Variants in IPO7 observed in about 807,000 individuals in gnomAD.
IPO7 encodes the protein importin-7.
IPO7 carries 13 observed loss-of-function variants against 136.4 expected under a neutral mutation model. The ratio of observed to expected loss-of-function variants is 0.10; its 90% confidence interval spans 0.06 to 0.15. The LOEUF (loss-of-function observed/expected upper bound fraction) is 0.15. Among genes scored for constraint, IPO7 ranks in the 10% least tolerant of loss-of-function variants. The pLI is 1.00. For synonymous variants in IPO7, 403 were observed against 404.4 expected (o/e 1.00, Z 0.04); for missense variants, 857 against 1,240.6 (o/e 0.69, Z 4.65).
chr11:9,398,299 A>G (rs578243194), intron 1 of IPO7, among the ~76,000 whole-genome samples: 1 of 152,334 alleles, frequency 6.6e-6, no homozygotes, highest in African/African-American at 2.4e-5. Context: ...CTTAGAGTCT[A>G]ATTAATAGGA....
At chr11:9,429,304 C>G (rs1855259724) in intron 14 of IPO7, 108 bp downstream of exon 14, 2 of 962,570 alleles carry the variant, frequency 2.1e-6, no homozygotes, top group African/African-American at 1.7e-5. Context: ...CGCTTGAAGC[C>G]AGGTGTTCAA....
intron 1 of IPO7, among the ~76,000 whole-genome samples, chr11:9,386,490 T>A (rs1011603996): frequency 6.6e-6 from 1 of 152,202 alleles, no homozygotes; most frequent in South Asian, 2.1e-4. Flanking sequence ...AGCTAAAAGT[T>A]TAGTCATGGT....
At chr11:9,442,021 A>G (rs1190034517) in intron 23 of IPO7, 60 bp from the exon 24 acceptor site, 1 of 788,006 alleles carries the variant, frequency 1.3e-6, no homozygotes, top group African/African-American at 1.7e-5. Flanking sequence ...ATAGTGTAGA[A>G]CGGAGCTACC....
intron 23 of IPO7, among the ~76,000 whole-genome samples, chr11:9,441,791 T>A (rs531821030): frequency 9.2e-5 from 14 of 152,242 alleles, no homozygotes; most frequent in Non-Finnish European, 1.8e-4. Context: ...GAAGTCTCCC[T>A]GGTTTGTTAC....
chr11:9,406,500 GT>G (rs1272389497), intron 2 of IPO7, among the ~76,000 whole-genome samples: 1 of 152,062 alleles, frequency 6.6e-6, no homozygotes, highest in Non-Finnish European at 1.5e-5. Context: ...CTGGGAAATT[GT>G]TTTAGTGTGT....
At chr11:9,435,406 A>C (rs1345077084) in intron 19 of IPO7, among the ~76,000 whole-genome samples, 2 of 152,222 alleles carry the variant, frequency 1.3e-5, no homozygotes, top group East Asian at 3.8e-4. Flanking sequence ...AAGCAATAGG[A>C]AATGAATGTC....
chr11:9,403,439 A>G, intron 2 of IPO7, 68 bp downstream of exon 2: 1 of 1,293,498 alleles, frequency 7.7e-7, no homozygotes, highest in Non-Finnish European at 1.1e-6. Flanking sequence ...CGAATAGCAG[A>G]AGTGTCTTGG....
chr11:9,429,798 A>G lies in IPO7; in HGVS notation c.1716A>G (p.Glu572=), dbSNP rs1183985509. 6.3e-7 allele frequency: 1 copy of G among 1,599,366 alleles called. No individual in the cohort carries two copies. Among genetic ancestry groups the G allele is most frequent in the Non-Finnish European group, 8.5e-7 (1 of 1,174,638 alleles). ...IQKMICEYSE[E]VTPIAVEMTQ... is the part of the protein sequence containing the mutation. ...AAATGATCTGTGAATATAGTGAAGA[A>G]GTTACTCCTATTGCAGTAGAAATGA... The change falls in exon 15 of 25, where the codon GAA becomes GAG. Residue 572 remains glutamate, a synonymous_variant. Coordinates refer to ENST00000379719, the MANE Select transcript of IPO7 (RefSeq NM_006391.3).
chr11:9,392,752 C>T (rs560210786), intron 1 of IPO7, among the ~76,000 whole-genome samples: 55 of 152,028 alleles, frequency 3.6e-4, no homozygotes, highest in African/African-American at 1.3e-3. Context: ...CGTTTAAGAC[C>T]AGCCTGGTCA....
rs1033109115 is a variant in IPO7, at chr11:9,446,754, ATTG to A, written c.*1568_*1570del. On this transcript the variant is annotated 3_prime_UTR_variant, in exon 25 of 25. Transcript: ENST00000379719. ...TTAAAATGCGTAATTAAGAAAACCC[ATTG>A]TTGTTGTGTTTTTCTTGTATACCAA... The A allele has an allele frequency of 2.6e-5, 4 of 152,174 alleles. No homozygotes were observed. The highest frequency in any genetic ancestry group is 2.1e-4 in the South Asian group (1 of 4,826). 9.4% of individuals were successfully genotyped at this position (152,174 alleles called of 1,614,324 possible). A position where few individuals can be genotyped will look rare whatever the true frequency, so the allele number is the denominator to read the frequency against.
chr11:9,441,702 A>G (rs750315372), intron 23 of IPO7, among the ~76,000 whole-genome samples: 9 of 152,206 alleles, frequency 5.9e-5, no homozygotes, highest in Non-Finnish European at 1.0e-4. Flanking sequence ...CACGGGGCCC[A>G]TGTACCACAG....
At chr11:9,424,264 C>T (rs989473924) in intron 10 of IPO7, among the ~76,000 whole-genome samples, 1 of 152,112 alleles carries the variant, frequency 6.6e-6, no homozygotes, top group Non-Finnish European at 1.5e-5. Flanking sequence ...TGTAATTTGG[C>T]TAATAATGTT....
intron 1 of IPO7, among the ~76,000 whole-genome samples, chr11:9,391,424 C>T (rs1854631666): frequency 6.8e-6 from 1 of 147,734 alleles, no homozygotes; most frequent in African/African-American, 2.5e-5. Context: ...AATAAAAGTT[C>T]TGGCCGGGCA....
chr11:9,429,932 T>C (rs1855268935), intron 15 of IPO7, 98 bp downstream of exon 15: 1 of 814,302 alleles, frequency 1.2e-6, no homozygotes, highest in African/African-American at 1.8e-5. Flanking sequence ...CTTATAGCAG[T>C]CAACCTTTTT....
chr11:9,433,891 GATTT>G (rs1565003015), intron 18 of IPO7, 45 bp downstream of exon 18: 1 of 1,482,450 alleles, frequency 6.7e-7, no homozygotes, highest in Non-Finnish European at 9.2e-7. Flanking sequence ...TCCCTGCTTT[GATTT>G]ATTTGTAGCT....
At chr11:9,439,244 T>G (rs1022601757) in intron 22 of IPO7, among the ~76,000 whole-genome samples, 1 of 152,140 alleles carries the variant, frequency 6.6e-6, no homozygotes, top group Non-Finnish European at 1.5e-5. Flanking sequence ...GCCCCCCAGA[T>G]AGCTGGGATT....
At chr11:9,418,558 G>A (rs761437884) in intron 6 of IPO7, among the ~76,000 whole-genome samples, 1 of 152,078 alleles carries the variant, frequency 6.6e-6, no homozygotes, top group Admixed American at 6.6e-5. Context: ...GTTTCAAAAA[G>A]GTTTATGAAC....
Position 9,440,456 on chromosome 11 carries a change from G to A in IPO7, c.2697G>A (p.Glu899=), listed in dbSNP as rs61729812. 18,473 of 1,611,680 alleles carry A rather than the reference G, an allele frequency of 0.011. 171 individuals carry two copies. Among genetic ancestry groups the A allele is most frequent in the Non-Finnish European group, 0.012 (14,627 of 1,177,876 alleles). The change falls in exon 23 of 25, where the codon GAG becomes GAA. Residue 899 remains glutamate (E), a splice_region_variant and synonymous_variant. Coordinates refer to ENST00000379719, the MANE Select transcript of IPO7 (RefSeq NM_006391.3). ...AGTACTTATATTATGACTTGGCAGAGGAACTGGGGAGTGATGAAGATGATA... is the reference window on the plus strand; with the variant it reads ...AGTACTTATATTATGACTTGGCAGAAGAACTGGGGAGTGATGAAGATGATA... ...DDEAEDDDET[E]ELGSDEDDID...
intron 19 of IPO7, among the ~76,000 whole-genome samples, chr11:9,435,594 A>C (rs973703509): frequency 2.6e-5 from 4 of 152,192 alleles, no homozygotes; most frequent in Admixed American, 2.0e-4. Context: ...ACGAAGTCAC[A>C]CATAATCATC....
Sources: gnomAD v4.1 joint callset for allele counts (sites outside exome capture counted in the v4.1 genomes callset) on GRCh38, gnomAD v4.1.1 for gene constraint, MANE v1.5 for transcripts, NCBI Gene and HGNC (gene_info 2026-07-23, HGNC 2026-07-21) for gene names.